The following ARHGAP17 variants were observed in gnomAD, a reference collection of about 807,000 sequenced individuals.
The protein encoded by ARHGAP17 is rho GTPase-activating protein 17.
Under a neutral mutation model 99.5 loss-of-function variants are expected in ARHGAP17, and 57 were observed. That is an observed-to-expected ratio of 0.57 (90% CI 0.46 to 0.71). The LOEUF (loss-of-function observed/expected upper bound fraction) is 0.71. Among genes scored for constraint, ARHGAP17 ranks in the 30% least tolerant of loss-of-function variants. ARHGAP17 has a pLI of 0.00. For synonymous variants in ARHGAP17, 417 were observed against 429.6 expected (o/e 0.97, Z 0.36); for missense variants, 1,000 against 1,122.4 (o/e 0.89, Z 1.56).
chr16:24,968,329 C>T (rs1391125348), intron 6 of ARHGAP17, 22 bp downstream of exon 6: 3 of 1,612,942 alleles, frequency 1.9e-6, no homozygotes, highest in African/African-American at 1.3e-5. Flanking sequence ...CACAATGCTG[C>T]ATTGCTGGCT....
Position 24,920,075 on chromosome 16 carries a change from GC to G in ARHGAP17, c.*54del. 1 of 1,594,944 alleles carries G rather than the reference GC, an allele frequency of 6.3e-7. No individual in the cohort carries two copies. The highest frequency in any genetic ancestry group is 2.3e-5 in the East Asian group (1 of 44,320). ...GGTCTGCAAAGAAAGAGGTTCGCCT[GC>G]CCCTGCTCCACTCGCCAGGGTGGAA... On this transcript the variant is annotated 3_prime_UTR_variant, in exon 20 of 20. Coordinates refer to ENST00000289968, the MANE Select transcript of ARHGAP17 (RefSeq NM_001006634.3).
rs1035197093 is a variant in ARHGAP17, at chr16:24,954,595, C to T, written c.852+8G>A. 5.6e-6 allele frequency: 9 copies of T among 1,611,672 alleles called. No individual in the cohort carries two copies. Among genetic ancestry groups the T allele is most frequent in the Middle Eastern group, 1.7e-4 (1 of 6,026 alleles). ...ACTTGGTGCACAGGATCACGAAGCT[C>T]CCCTCACCTCCTCCTTCATGCCTGT... On this transcript the variant is annotated splice_region_variant and intron_variant, in intron 10 of 19. Transcript: ENST00000289968.
At chr16:24,982,613 T>A (rs968589720) in intron 1 of ARHGAP17, among the ~76,000 whole-genome samples, 10 of 152,158 alleles carry the variant, frequency 6.6e-5, no homozygotes, top group African/African-American at 2.4e-4. Flanking sequence ...CTCCATCTAT[T>A]CCAATAATGT....
chr16:24,979,178 A>G lies in ARHGAP17; in HGVS notation c.54-173T>C, dbSNP rs185973694. ...TCAGAGAGCAATTTAAGCAAAACCAAAGAAAAATAACTAAGCAAAACTTTG... is the reference window on the plus strand; with the variant it reads ...TCAGAGAGCAATTTAAGCAAAACCAGAGAAAAATAACTAAGCAAAACTTTG... On this transcript the variant is annotated intron_variant, in intron 1 of 19. Coordinates refer to ENST00000289968, the MANE Select transcript of ARHGAP17 (RefSeq NM_001006634.3). 3.9e-3 allele frequency among the ~76,000 whole-genome samples: 587 copies of G among 152,332 alleles called. 5 individuals are homozygous for G. The highest frequency in any genetic ancestry group is 0.031 in the Middle Eastern group (9 of 294).
chr16:25,003,050 A>AC (rs1236107519), intron 1 of ARHGAP17, among the ~76,000 whole-genome samples: 1 of 151,020 alleles, frequency 6.6e-6, no homozygotes, highest in East Asian at 1.9e-4. Flanking sequence ...AAAAAAAAAA[A>AC]AAAAAAAAAA....
At position 24,955,576 on chromosome 16, in the gene ARHGAP17, C is replaced by T. The variant is rs890810694; in HGVS notation, c.725-846G>A. On this transcript the variant is annotated intron_variant, in intron 9 of 19. Coordinates refer to ENST00000289968, the MANE Select transcript of ARHGAP17 (RefSeq NM_001006634.3). This position sits in a 1 kb window ranked among gnomAD's most constrained non-coding sequence, Gnocchi z 4.0. ...GTGCTATCTGAGCAGCTCGCAGAAG[C>T]AAAGGAGGGCAAACCAGTTGTGAAA... The T allele has an allele frequency of 1.3e-5, 2 of 152,208 alleles. No homozygotes were observed. The highest frequency in any genetic ancestry group is 4.8e-5 in the African/African-American group (2 of 41,450). The allele number at this position is 152,208 out of a possible 1,614,324, so 9.4% of individuals were successfully genotyped here.
chr16:24,941,881 G>C, intron 16 of ARHGAP17, 106 bp downstream of exon 16: 4 of 1,490,456 alleles, frequency 2.7e-6, no homozygotes, highest in Non-Finnish European at 3.7e-6. Flanking sequence ...TCAGTCATGG[G>C]TGGATGGCGA....
Position 24,982,382 on chromosome 16 carries a change from C to A in ARHGAP17, c.54-3377G>T, listed in dbSNP as rs2052698822. The stretch of plus-strand genomic sequence containing the variant: ...TCGTGCCACTGCACTCCAGACTAGG[C>A]AACAGAGCAAGACTCTGTCTCAAAA... On this transcript the variant is annotated intron_variant, in intron 1 of 19. Coordinates refer to ENST00000289968, the MANE Select transcript of ARHGAP17 (RefSeq NM_001006634.3). Among the ~76,000 whole-genome samples, 6 of 150,642 alleles carry A rather than the reference C, an allele frequency of 4.0e-5. No homozygotes were observed. In the South Asian group the frequency reaches 1.3e-3, roughly 32 times the overall value.
chr16:24,926,109 G>GAAAAAAA (rs1175708408), intron 19 of ARHGAP17, among the ~76,000 whole-genome samples: 1 of 107,108 alleles, frequency 9.3e-6, no homozygotes, highest in African/African-American at 3.5e-5. Context: ...GACTCCGTCT[G>GAAAAAAA]AAAAAAAAAA....
chr16:24,942,207 A>G (rs1597380965), intron 15 of ARHGAP17, 64 bp from the exon 16 acceptor site: 4 of 1,502,534 alleles, frequency 2.7e-6, no homozygotes, highest in East Asian at 2.3e-5. Flanking sequence ...GAGCTCTAAG[A>G]CACCCCTCAT....
Position 24,961,705 on chromosome 16 carries a change from C to T in ARHGAP17, c.574-1726G>A, listed in dbSNP as rs949727337. Among the ~76,000 whole-genome samples the T allele has an allele frequency of 3.3e-5, 5 of 150,466 alleles. No homozygotes were observed. The East Asian group carries it at 9.8e-4, about 29-fold the overall frequency. ...ACCACCATACTCAGCTAATATTTTTCTGTTTTTTAGTAGAGATGGAGTTTC... is the reference window on the plus strand; with the variant it reads ...ACCACCATACTCAGCTAATATTTTTTTGTTTTTTAGTAGAGATGGAGTTTC... On this transcript the variant is annotated intron_variant, in intron 7 of 19. Coordinates refer to ENST00000289968, the MANE Select transcript of ARHGAP17 (RefSeq NM_001006634.3).
intron 6 of ARHGAP17, among the ~76,000 whole-genome samples, chr16:24,966,193 C>T (rs892872231): frequency 6.6e-6 from 1 of 152,328 alleles, no homozygotes; most frequent in African/African-American, 2.4e-5. Flanking sequence ...CTCAGCTACA[C>T]AGGATTCCAA....
At chr16:24,923,937 T>C (rs2050779664) in intron 19 of ARHGAP17, among the ~76,000 whole-genome samples, 1 of 152,164 alleles carries the variant, frequency 6.6e-6, no homozygotes, top group Non-Finnish European at 1.5e-5. Flanking sequence ...GGTAAGGTTC[T>C]AGAAGATTTA....
Position 24,959,652 on chromosome 16 carries a change from C to T in ARHGAP17, c.724+19G>A, listed in dbSNP as rs779372065. ...GCAGAGGCAAGAAGGAAGCATCAGC[C>T]GCACGCGGGTTACATTACCTTGATG... On this transcript the variant is annotated intron_variant, in intron 9 of 19. Transcript: ENST00000289968. 3.7e-6 allele frequency: 6 copies of T among 1,611,504 alleles called. No individual in the cohort carries two copies. Among genetic ancestry groups the T allele is most frequent in the Admixed American group, 1.7e-5 (1 of 59,662 alleles).
intron 12 of ARHGAP17, among the ~76,000 whole-genome samples, chr16:24,950,376 A>G (rs924291708): frequency 2.0e-5 from 3 of 152,046 alleles, no homozygotes; most frequent in African/African-American, 7.2e-5. Flanking sequence ...TCTACCTAAC[A>G]CTGATGTTGG....
intron 10 of ARHGAP17, among the ~76,000 whole-genome samples, chr16:24,953,410 T>A (rs914085694): frequency 2.6e-5 from 4 of 152,178 alleles, no homozygotes; most frequent in Admixed American, 2.6e-4. Context: ...ATCTCCAGTG[T>A]TGAAGGCAGG....
chr16:24,958,184 C>G (rs988562011), intron 9 of ARHGAP17, among the ~76,000 whole-genome samples: 1 of 152,084 alleles, frequency 6.6e-6, no homozygotes, highest in Admixed American at 6.6e-5. Context: ...GGGAAAAAAA[C>G]AGAATGAGAG....
intron 16 of ARHGAP17, 82 bp downstream of exon 16, chr16:24,941,905 C>G: frequency 6.3e-7 from 1 of 1,597,504 alleles, no homozygotes; most frequent in Non-Finnish European, 8.5e-7. Flanking sequence ...CTCTCAAATC[C>G]CAAGTCCACT....
At chr16:25,015,150 CGCCCTCCGCCCTCCGCCCCCAGCCCCGGT>C (rs2053752370) in intron 1 of ARHGAP17, 30 bp downstream of exon 1, 1 of 1,219,932 alleles carries the variant, frequency 8.2e-7, no homozygotes, top group African/African-American at 1.6e-5. Flanking sequence ...CCCGCCCCCG[CGCCCTCCGCCCTCCGCCCCCAGCCCCGGT>C]GCGACCCCCG....
Sources: gnomAD v4.1 joint callset for allele counts (sites outside exome capture counted in the v4.1 genomes callset) on GRCh38, gnomAD v4.1.1 for gene constraint, Gnocchi (gnomAD v3.1) non-coding constraint, MANE v1.5 for transcripts, NCBI Gene and HGNC (gene_info 2026-07-23, HGNC 2026-07-21) for gene names.